The following SGMS2 variants were observed in gnomAD, a reference collection of about 807,000 sequenced individuals.
The protein encoded by SGMS2 is phosphatidylcholine:ceramide cholinephosphotransferase 2.
SGMS2 carries 21 observed loss-of-function variants against 43.8 expected under a neutral mutation model. The observed-to-expected ratio is 0.48, with a 90% CI of 0.34 to 0.69. SGMS2 has a LOEUF of 0.69. SGMS2 is among the 30% of genes least tolerant of loss of function. SGMS2 has a pLI of 0.01. For missense variants in SGMS2, 384 were observed against 443.2 expected (o/e 0.87, Z 1.20); for synonymous variants, 167 against 160.6 (o/e 1.04, Z -0.30).
chr4:107,858,686 C>T lies in SGMS2; in HGVS notation c.-245+133C>T, dbSNP rs535797912. On this transcript the variant is annotated intron_variant, in intron 2 of 6. Transcript: ENST00000690982. ...CTGCAGCTTTGCTGCTGCTATCTTC[C>T]CTTCTCTGGTTAAGACATTCATAAA... The T allele has an allele frequency of 2.0e-5, 3 of 152,354 alleles. No individual in the cohort carries two copies. The South Asian group carries it at 6.2e-4, about 32-fold the overall frequency. 9.4% of individuals were successfully genotyped at this position (152,354 alleles called of 1,614,324 possible). A position where few individuals can be genotyped will look rare whatever the true frequency, so the allele number is the denominator to read the frequency against.
At chr4:107,902,086 CTTT>C (rs574752893) in intron 4 of SGMS2, among the ~76,000 whole-genome samples, 2 of 143,232 alleles carry the variant, frequency 1.4e-5, no homozygotes, top group African/African-American at 2.6e-5. Flanking sequence ...TTGTTTTTTC[CTTT>C]TTTTTTTTTA....
intron 1 of SGMS2, among the ~76,000 whole-genome samples, chr4:107,828,249 G>A (rs1725706581): frequency 6.6e-6 from 1 of 152,052 alleles, no homozygotes; most frequent in Non-Finnish European, 1.5e-5. Context: ...CAGCTAACGA[G>A]TATTGATCTT....
At chr4:107,829,798 T>G (rs981622654) in intron 1 of SGMS2, among the ~76,000 whole-genome samples, 2 of 152,184 alleles carry the variant, frequency 1.3e-5, no homozygotes, top group Middle Eastern at 6.8e-3. Context: ...TGGTCTTGAA[T>G]GCCTGGACTC....
At chr4:107,907,803 A>G (rs1731712895) in intron 5 of SGMS2, 1 of 152,226 alleles carries the variant, frequency 6.6e-6, no homozygotes. Flanking sequence ...AAGCTGCTAG[A>G]GATGAACTCT....
chr4:107,836,326 G>A (rs1726170971), intron 1 of SGMS2, among the ~76,000 whole-genome samples: 1 of 152,154 alleles, frequency 6.6e-6, no homozygotes, highest in South Asian at 2.1e-4. Context: ...TTGGCATATT[G>A]TATTTTAAAA....
rs1732207642 is a variant in SGMS2 at position 107,912,791 on chromosome 4, A to G, written c.*2238A>G. 1 of 152,202 alleles carries G rather than the reference A, an allele frequency of 6.6e-6. No homozygotes were observed. The highest frequency in any genetic ancestry group is 1.5e-5 in the Non-Finnish European group (1 of 68,038). 9.4% of individuals were successfully genotyped at this position (152,202 alleles called of 1,614,324 possible). On this transcript the variant is annotated 3_prime_UTR_variant, in exon 7 of 7. Coordinates refer to ENST00000690982, the MANE Select transcript of SGMS2 (RefSeq NM_001375905.1). ...GTTTTTTTTTAATTTAAAAAAAACC[A>G]TCACCTTTTAAAGAACTTTAAAAAC... is the stretch of plus-strand genomic sequence containing the variant.
chr4:107,903,041 C>T (rs545032238), intron 4 of SGMS2, among the ~76,000 whole-genome samples, 192 bp from the exon 5 acceptor site: 48 of 151,852 alleles, frequency 3.2e-4, no homozygotes, highest in East Asian at 1.4e-3. Flanking sequence ...TAATTTAAAA[C>T]GTCAATAAAG....
At chr4:107,896,731 C>A (rs1560668551) in intron 3 of SGMS2, among the ~76,000 whole-genome samples, 1 of 152,120 alleles carries the variant, frequency 6.6e-6, no homozygotes, top group Non-Finnish European at 1.5e-5. Context: ...AGAAATAAGT[C>A]AGGTACTTTT....
intron 1 of SGMS2, among the ~76,000 whole-genome samples, chr4:107,842,989 C>T (rs1023203666): frequency 2.0e-5 from 3 of 152,186 alleles, no homozygotes; most frequent in Non-Finnish European, 4.4e-5. Flanking sequence ...CGCTACATTT[C>T]GTTTCTGTTC....
At chr4:107,881,752 G>T (rs553246224) in intron 2 of SGMS2, among the ~76,000 whole-genome samples, 341 of 151,810 alleles carry the variant, frequency 2.2e-3, no homozygotes, top group Admixed American at 4.2e-3. Context: ...TACTTCACCC[G>T]CCCTGCCACC....
chr4:107,905,235 A>G (rs1436009879), intron 5 of SGMS2, among the ~76,000 whole-genome samples: 4 of 152,192 alleles, frequency 2.6e-5, no homozygotes, highest in African/African-American at 4.8e-5. Flanking sequence ...CATGTTTTAC[A>G]TGGCAGCAGA....
intron 2 of SGMS2, among the ~76,000 whole-genome samples, chr4:107,868,511 G>A (rs527886146): frequency 4.6e-5 from 7 of 152,192 alleles, no homozygotes; most frequent in Non-Finnish European, 8.8e-5. Context: ...GAGGTCAGGA[G>A]TTTGAGATCA....
chr4:107,889,018 C>T (rs1206872510), intron 2 of SGMS2, among the ~76,000 whole-genome samples: 1 of 152,246 alleles, frequency 6.6e-6, no homozygotes, highest in East Asian at 1.9e-4. Flanking sequence ...TGCTTTTAGC[C>T]TCCAATCTGT....
chr4:107,857,991 C>T (rs749646435), intron 1 of SGMS2, among the ~76,000 whole-genome samples: 7 of 151,990 alleles, frequency 4.6e-5, no homozygotes, highest in Non-Finnish European at 7.4e-5. Context: ...CTGGCTTACT[C>T]TTCTTTTGTA....
At position 107,890,207 on chromosome 4, in the gene SGMS2, G is replaced by A. The variant is rs1209935985; in HGVS notation, c.-244-5103G>A. ...TGTTTACACTCTTCAAGTTCCATAAGGAGAAACAGGTTTCTCCCCGAAAGG... is the reference window on the plus strand; with the variant it reads ...TGTTTACACTCTTCAAGTTCCATAAAGAGAAACAGGTTTCTCCCCGAAAGG... On this transcript the variant is annotated intron_variant, in intron 2 of 6. Coordinates refer to ENST00000690982, the MANE Select transcript of SGMS2 (RefSeq NM_001375905.1). 3.3e-5 allele frequency among the ~76,000 whole-genome samples: 5 copies of A among 152,086 alleles called. No homozygotes were observed. The East Asian group carries it at 9.6e-4, about 29-fold the overall frequency.
At chr4:107,906,912 T>C (rs1731622683) in intron 5 of SGMS2, among the ~76,000 whole-genome samples, 1 of 152,126 alleles carries the variant, frequency 6.6e-6, no homozygotes, top group Admixed American at 6.5e-5. Flanking sequence ...ACCTGTAAGT[T>C]GGGAAGCAGG....
Position 107,845,249 on chromosome 4 carries a change from C to A in SGMS2, c.-326-13223C>A, listed in dbSNP as rs571715330. On this transcript the variant is annotated intron_variant, in intron 1 of 6. Transcript: ENST00000690982. ...CTGGATTAGCAGAACCTTCCTTCTC[C>A]AAGGCTCTGAGAACAGTCTGGATTT... is the stretch of plus-strand genomic sequence containing the variant. Among the ~76,000 whole-genome samples, 158 of 152,250 alleles carry A rather than the reference C, an allele frequency of 1.0e-3. 1 individual carries two copies. Among genetic ancestry groups the A allele is most frequent in the African/African-American group, 3.4e-3 (143 of 41,546 alleles).
chr4:107,885,089 A>T (rs533639575), intron 2 of SGMS2, among the ~76,000 whole-genome samples: 1 of 152,290 alleles, frequency 6.6e-6, no homozygotes, highest in East Asian at 1.9e-4. Context: ...AAGCCTTCTG[A>T]GTCTTCTTAC....
intron 2 of SGMS2, among the ~76,000 whole-genome samples, chr4:107,877,813 C>G (rs559643779): frequency 1.4e-4 from 22 of 152,056 alleles, no homozygotes; most frequent in African/African-American, 5.1e-4. Flanking sequence ...AGCTTATTCT[C>G]TGAGGCCATG....
Sources: gnomAD v4.1 joint callset for allele counts (sites outside exome capture counted in the v4.1 genomes callset) on GRCh38, gnomAD v4.1.1 for gene constraint, MANE v1.5 for transcripts, NCBI Gene and HGNC (gene_info 2026-07-23, HGNC 2026-07-21) for gene names.